The following XKR4 variants were observed in gnomAD, a reference collection of about 807,000 sequenced individuals.
XKR4 encodes the protein XK-related protein 4.
A neutral mutation model predicts 53.9 loss-of-function variants in XKR4; 12 were observed. The observed-to-expected ratio is 0.22, with a 90% CI of 0.14 to 0.36. XKR4 has a LOEUF of 0.36. Among genes scored for constraint, XKR4 ranks in the 10% least tolerant of loss-of-function variants. XKR4 has a pLI of 1.00. For missense variants in XKR4, 799 were observed against 859.5 expected, an observed-to-expected ratio of 0.93 and a Z score of 0.88; for synonymous variants, 354 against 362.4, an observed-to-expected ratio of 0.98 and a Z score of 0.26.
intron 1 of XKR4, among the ~76,000 whole-genome samples, chr8:55,271,209 A>G (rs1818686095): frequency 1.3e-5 from 2 of 152,094 alleles, no homozygotes; most frequent in South Asian, 4.2e-4. Context: ...TCCTCTTTCA[A>G]CGTGTGGAAT....
chr8:55,108,610 T>C (rs889603042), intron 1 of XKR4, among the ~76,000 whole-genome samples: 4 of 152,198 alleles, frequency 2.6e-5, no homozygotes, highest in Admixed American at 2.6e-4. Flanking sequence ...ATTAAAATAA[T>C]ATTAAAGTAA....
Position 55,233,425 on chromosome 8 carries a change from C to G in XKR4, c.807-124253C>G, listed in dbSNP as rs192962134. On this transcript the variant is annotated intron_variant, in intron 1 of 2. Transcript: ENST00000327381. Reference sequence around the variant, plus strand: ...AAACCAGGTCAAAGTTATGGTCAGGCCAGAGATAGCTACCTTTCAGGTCAG... The same window carrying G: ...AAACCAGGTCAAAGTTATGGTCAGGGCAGAGATAGCTACCTTTCAGGTCAG... Among the ~76,000 whole-genome samples, 54 of 151,800 alleles carry G rather than the reference C, an allele frequency of 3.6e-4. 1 individual carries two copies. In the Middle Eastern group the frequency reaches 0.01, roughly 29 times the overall value.
At position 55,523,316 on chromosome 8, in the gene XKR4, T is replaced by G; in HGVS notation, c.1042T>G (p.Trp348Gly). ...TAAASLVSLA[W>G]ALASYQKALR... ...GGCAGCTTCCCTCGTGTCCCTGGCC[T>G]GGGCCTTGGCCTCCTACCAGAAGGC... The change falls in exon 3 of 3, where the codon TGG (tryptophan) becomes GGG (glycine). Residue 348 changes from tryptophan (W) to glycine (G), a missense_variant. Transcript: ENST00000327381. The G allele has an allele frequency of 6.2e-7, 1 of 1,613,260 alleles. No individual in the cohort carries two copies. Among genetic ancestry groups the G allele is most frequent in the Non-Finnish European group, 8.5e-7 (1 of 1,179,446 alleles).
chr8:55,150,547 C>T (rs1263646451), intron 1 of XKR4, among the ~76,000 whole-genome samples: 2 of 152,158 alleles, frequency 1.3e-5, no homozygotes, highest in African/African-American at 4.8e-5. Flanking sequence ...CCTCAGCTCA[C>T]CCCCGGAACC....
chr8:55,477,225 G>C (rs1806006867), intron 2 of XKR4, among the ~76,000 whole-genome samples: 1 of 152,092 alleles, frequency 6.6e-6, no homozygotes, highest in Admixed American at 6.6e-5. Flanking sequence ...AGCATTTGCA[G>C]TTCACCAAGA....
chr8:55,279,775 G>T, intron 1 of XKR4, among the ~76,000 whole-genome samples: 1 of 152,102 alleles, frequency 6.6e-6, no homozygotes, highest in South Asian at 2.1e-4. Flanking sequence ...TCCAGAATGG[G>T]GCCATGTCTT....
intron 1 of XKR4, among the ~76,000 whole-genome samples, chr8:55,125,237 C>A (rs1408404073): frequency 1.3e-5 from 2 of 151,770 alleles, no homozygotes; most frequent in African/African-American, 4.8e-5. Context: ...TTTCTTTTTT[C>A]TTTTTTTCTT....
intron 1 of XKR4, among the ~76,000 whole-genome samples, chr8:55,336,234 TG>T (rs1411657828): frequency 3.3e-5 from 5 of 152,078 alleles, no homozygotes; most frequent in African/African-American, 1.2e-4. Context: ...TGATAGTTAA[TG>T]GGTCTCACAA....
At chr8:55,465,103 C>A (rs968694717) in intron 2 of XKR4, among the ~76,000 whole-genome samples, 1 of 152,066 alleles carries the variant, frequency 6.6e-6, no homozygotes, top group Non-Finnish European at 1.5e-5. Context: ...ATCAAGCTAC[C>A]AATGACTTTC....
intron 2 of XKR4, among the ~76,000 whole-genome samples, chr8:55,378,483 A>G (rs1269310771): frequency 1.3e-5 from 2 of 152,230 alleles, no homozygotes. Flanking sequence ...TTGAAAATCA[A>G]GAGAGGTAGC....
At chr8:55,379,709 G>T (rs1804203940) in intron 2 of XKR4, among the ~76,000 whole-genome samples, 1 of 152,208 alleles carries the variant, frequency 6.6e-6, no homozygotes. Flanking sequence ...CTGGGGTCCA[G>T]CGGAATCAGG....
chr8:55,421,453 C>T (rs1310895574), intron 2 of XKR4, among the ~76,000 whole-genome samples: 2 of 152,186 alleles, frequency 1.3e-5, no homozygotes, highest in African/African-American at 4.8e-5. Flanking sequence ...TGTCAGCTCT[C>T]CCTGAAGCCT....
chr8:55,484,291 A>G (rs957918122), intron 2 of XKR4, among the ~76,000 whole-genome samples: 1 of 152,260 alleles, frequency 6.6e-6, no homozygotes, highest in Non-Finnish European at 1.5e-5. Context: ...CATCCAGAGC[A>G]TAGAAAAGGA....
At chr8:55,451,502 G>A in intron 2 of XKR4, 1 of 1,063,444 alleles carries the variant, frequency 9.4e-7, no homozygotes, top group Non-Finnish European at 1.4e-6. Flanking sequence ...CCTGGAGAAG[G>A]TGCGTTCTGG....
At chr8:55,253,042 C>A (rs377526647) in intron 1 of XKR4, among the ~76,000 whole-genome samples, 1 of 151,990 alleles carries the variant, frequency 6.6e-6, no homozygotes, top group Non-Finnish European at 1.5e-5. Context: ...GATATGATAC[C>A]GGAAAGCACA....
chr8:55,380,970 C>G (rs1804223463), intron 2 of XKR4, among the ~76,000 whole-genome samples: 1 of 152,182 alleles, frequency 6.6e-6, no homozygotes, highest in Non-Finnish European at 1.5e-5. Flanking sequence ...AATACTCTAT[C>G]TTCTTTGGTG....
chr8:55,305,096 G>T (rs1819275344), intron 1 of XKR4, among the ~76,000 whole-genome samples: 1 of 152,150 alleles, frequency 6.6e-6, no homozygotes, highest in Non-Finnish European at 1.5e-5. Flanking sequence ...TGGGACTACA[G>T]GGGAAAGGTC....
At chr8:55,201,808 T>C (rs1817579467) in intron 1 of XKR4, among the ~76,000 whole-genome samples, 1 of 152,188 alleles carries the variant, frequency 6.6e-6, no homozygotes, top group Non-Finnish European at 1.5e-5. Context: ...GCTGAATTGG[T>C]ACAGCCTCTT....
At chr8:55,381,073 C>T (rs1804224939) in intron 2 of XKR4, among the ~76,000 whole-genome samples, 1 of 152,080 alleles carries the variant, frequency 6.6e-6, no homozygotes, top group Admixed American at 6.5e-5. Context: ...CTTCAAGAGA[C>T]TTGGCAATAT....
Sources: gnomAD v4.1 joint callset for allele counts (sites outside exome capture counted in the v4.1 genomes callset) on GRCh38, gnomAD v4.1.1 for gene constraint, MANE v1.5 for transcripts, NCBI Gene and HGNC (gene_info 2026-07-23, HGNC 2026-07-21) for gene names.